Variants in MACROD2 observed in about 807,000 individuals in gnomAD.
MACROD2 encodes the protein mono-ADP ribosylhydrolase 2.
MACROD2 carries 36 observed loss-of-function variants against 70.4 expected under a neutral mutation model. That is an observed-to-expected ratio of 0.51 (90% confidence interval 0.39 to 0.68). The LOEUF is 0.68. Ranked by LOEUF, MACROD2 falls within the 30% of genes least tolerant of loss-of-function variation. The pLI is 0.00. For synonymous variants in MACROD2, 172 were observed against 178.8 expected (o/e 0.96, Z 0.30); for missense variants, 496 against 538.4 (o/e 0.92, Z 0.78).
chr20:14,254,979 T>C (rs1288916539), intron 3 of MACROD2, among the ~76,000 whole-genome samples: 1 of 152,106 alleles, frequency 6.6e-6, no homozygotes, highest in East Asian at 1.9e-4. Context: ...CTGTAAAGTA[T>C]TTTATTTCTC....
chr20:15,817,957 A>G (rs2063895376), intron 8 of MACROD2, among the ~76,000 whole-genome samples: 1 of 152,062 alleles, frequency 6.6e-6, no homozygotes, highest in South Asian at 2.1e-4. Context: ...CCCAAAAGCT[A>G]TGCTTTCTTT....
At chr20:15,366,088 A>C (rs1321827361) in intron 6 of MACROD2, among the ~76,000 whole-genome samples, 1 of 152,230 alleles carries the variant, frequency 6.6e-6, no homozygotes, top group Non-Finnish European at 1.5e-5. Flanking sequence ...AGAAGAGAAC[A>C]GAGAGGGATT....
chr20:14,715,277 A>G (rs1196432219), intron 5 of MACROD2, among the ~76,000 whole-genome samples: 1 of 152,166 alleles, frequency 6.6e-6, no homozygotes, highest in South Asian at 2.1e-4. Flanking sequence ...CCATGATTCA[A>G]TTACCTCCCA....
chr20:15,618,095 C>CTTTTTTTT (rs398035424), intron 8 of MACROD2, among the ~76,000 whole-genome samples: 4 of 70,832 alleles, frequency 5.6e-5, no homozygotes, highest in Non-Finnish European at 1.0e-4. Context: ...CATCATTAGT[C>CTTTTTTTT]TTTTTTTTTT....
intron 5 of MACROD2, among the ~76,000 whole-genome samples, chr20:15,125,879 C>T (rs2076062703): frequency 6.6e-6 from 1 of 150,392 alleles, no homozygotes. Flanking sequence ...TGGCAGACTA[C>T]TTTCTGTCTC....
intron 3 of MACROD2, among the ~76,000 whole-genome samples, chr20:14,333,117 T>C (rs1414934039): frequency 6.6e-6 from 1 of 152,046 alleles, no homozygotes; most frequent in Non-Finnish European, 1.5e-5. Context: ...TTGAGAGTCA[T>C]GAAGTCTGAA....
At chr20:14,507,721 A>AT (rs1223509270) in intron 4 of MACROD2, among the ~76,000 whole-genome samples, 4 of 152,208 alleles carry the variant, frequency 2.6e-5, no homozygotes, top group African/African-American at 9.6e-5. Context: ...ACAATGAATC[A>AT]ATAGATTCTC....
At position 14,199,700 on chromosome 20, in the gene MACROD2, T is replaced by C. The variant is rs2081463024; in HGVS notation, c.271+113972T>C. The stretch of plus-strand genomic sequence containing the variant: ...TAAGCCATTTCCATGTTCTTAATTT[T>C]AAATGACTGCATATAATTTTACAGT... On this transcript the variant is annotated intron_variant, in intron 3 of 17. Transcript: ENST00000684519. 2.0e-5 allele frequency among the ~76,000 whole-genome samples: 3 copies of C among 152,204 alleles called. 1 individual carries two copies. The highest frequency in any genetic ancestry group is 4.1e-4 in the South Asian group (2 of 4,834).
intron 15 of MACROD2, among the ~76,000 whole-genome samples, chr20:15,988,059 C>T (rs1425846562): frequency 6.6e-6 from 1 of 152,110 alleles, no homozygotes; most frequent in Admixed American, 6.5e-5. Context: ...GCAACTACAG[C>T]TTCCAAATTA....
intron 5 of MACROD2, among the ~76,000 whole-genome samples, chr20:14,787,669 C>T (rs893834836): frequency 2.6e-5 from 4 of 152,024 alleles, no homozygotes; most frequent in African/African-American, 9.7e-5. Context: ...CCTTTTCATG[C>T]CGGGGAAGCC....
At chr20:15,331,168 A>G (rs2077988107) in intron 6 of MACROD2, among the ~76,000 whole-genome samples, 1 of 151,746 alleles carries the variant, frequency 6.6e-6, no homozygotes, top group Admixed American at 6.6e-5. Flanking sequence ...CTCTTCTACA[A>G]CTTTCCAAGT....
At chr20:15,865,691 A>T (rs1334865263) in intron 9 of MACROD2, among the ~76,000 whole-genome samples, 3 of 152,158 alleles carry the variant, frequency 2.0e-5, no homozygotes, top group African/African-American at 7.2e-5. Context: ...AGGAAGTAAA[A>T]CCAAAATGCA....
intron 3 of MACROD2, among the ~76,000 whole-genome samples, chr20:14,444,273 G>T (rs955952286): frequency 6.6e-6 from 1 of 152,028 alleles, no homozygotes; most frequent in Non-Finnish European, 1.5e-5. Flanking sequence ...TGTGTTTTGC[G>T]TTGCCCAATC....
At chr20:15,828,237 A>T (rs375194839) in intron 8 of MACROD2, among the ~76,000 whole-genome samples, 1 of 152,202 alleles carries the variant, frequency 6.6e-6, no homozygotes, top group African/African-American at 2.4e-5. Flanking sequence ...GTATACCATA[A>T]ATGTATCTTT....
At position 14,230,669 on chromosome 20, in the gene MACROD2, C is replaced by CCATATA. The variant is rs1388842581; in HGVS notation, c.271+144941_271+144942insCATATA. Among the ~76,000 whole-genome samples, 346 of 92,760 alleles carry CCATATA rather than the reference C, an allele frequency of 3.7e-3. 21 individuals are homozygous for CCATATA. Among genetic ancestry groups the CCATATA allele is most frequent in the African/African-American group, 8.1e-3 (155 of 19,200 alleles). The allele number at this position is 92,760 out of a possible 152,430, so 60.9% of individuals were successfully genotyped here. On this transcript the variant is annotated intron_variant, in intron 3 of 17. Coordinates refer to ENST00000684519, the MANE Select transcript of MACROD2 (RefSeq NM_001351661.2). ...TATATATATATAACACAGGCTGGGC[C>CCATATA]TATATATATATATATATATATATAT...
chr20:15,922,659 T>G (rs529277909), intron 10 of MACROD2, among the ~76,000 whole-genome samples: 20 of 152,338 alleles, frequency 1.3e-4, no homozygotes, highest in African/African-American at 4.1e-4. Flanking sequence ...TTTCACTGAC[T>G]GCCTCCAGGA....
chr20:14,405,455 A>G (rs1287573176), intron 3 of MACROD2, among the ~76,000 whole-genome samples: 1 of 152,196 alleles, frequency 6.6e-6, no homozygotes, highest in African/African-American at 2.4e-5. Context: ...CCAGTCTGAA[A>G]CAAAGAGGAT....
intron 10 of MACROD2, among the ~76,000 whole-genome samples, chr20:15,907,531 T>A (rs1422465733): frequency 2.0e-5 from 3 of 152,272 alleles, no homozygotes; most frequent in Non-Finnish European, 4.4e-5. Context: ...CCAAATCAAC[T>A]AATTAGCAAA....
At chr20:14,992,277 G>A (rs945599660) in intron 5 of MACROD2, among the ~76,000 whole-genome samples, 1 of 152,126 alleles carries the variant, frequency 6.6e-6, no homozygotes, top group Admixed American at 6.5e-5. Context: ...TGATGTTCTT[G>A]CTCATAAAAT....
Sources: allele counts gnomAD v4.1 joint callset (sites outside exome capture counted in the v4.1 genomes callset), GRCh38; gene constraint gnomAD v4.1.1; transcripts MANE v1.5; gene names NCBI Gene and HGNC (gene_info 2026-07-23, HGNC 2026-07-21).